Variants in KLF13 observed in about 807,000 individuals in gnomAD.
The protein encoded by KLF13 is KLF transcription factor 13.
In KLF13, 8 loss-of-function variants were observed where a neutral mutation model predicts 16.7. The observed-to-expected ratio is 0.48, with a 90% CI of 0.28 to 0.87. The LOEUF is 0.87. Ranked by LOEUF, KLF13 falls within the 40% of genes least tolerant of loss-of-function variation. The pLI is 0.10. For missense variants in KLF13, 447 were observed against 452.2 expected (o/e 0.99, Z 0.10); for synonymous variants, 245 against 208.4 (o/e 1.18, Z -1.51).
downstream of KLF13, among the ~76,000 whole-genome samples, chr15:31,407,429 G>A (rs141111934): frequency 1.3e-3 from 194 of 152,358 alleles, 1 homozygote; most frequent in Non-Finnish European, 1.9e-3. Flanking sequence ...AAGCTCAGCA[G>A]CAGGATGTGC....
At chr15:31,330,688 C>T (rs1002572429) in intron 1 of KLF13, among the ~76,000 whole-genome samples, 3 of 152,242 alleles carry the variant, frequency 2.0e-5, no homozygotes, top group Non-Finnish European at 2.9e-5. Context: ...AGTGTGGTTT[C>T]CCACTCCCAC....
chr15:31,403,187 G>A lies in KLF13; in HGVS notation n.530-241G>A, dbSNP rs923858784. 3.9e-5 allele frequency among the ~76,000 whole-genome samples: 6 copies of A among 152,194 alleles called. No homozygotes were observed. In the South Asian group the frequency reaches 1.2e-3, roughly 31 times the overall value. On this transcript the variant is annotated intron_variant and non_coding_transcript_variant, in intron 2 of 2. Transcript: ENST00000500533. ...TCATTCTTTTAGTGTCTTTTCTGCT[G>A]TGAAGCAGTTTTGGGGCAAGATCTT...
At chr15:31,419,324 G>T (rs2040293775) in intron 1 of KLF13, among the ~76,000 whole-genome samples, 1 of 152,042 alleles carries the variant, frequency 6.6e-6, no homozygotes, top group Non-Finnish European at 1.5e-5. Context: ...CTTAAACAAA[G>T]AGATCAATTA....
chr15:31,403,777 T>C (rs2040074488), exon 3 of KLF13: 1 of 152,198 alleles, frequency 6.6e-6, no homozygotes, highest in African/African-American at 2.4e-5. Context: ...CACTATTATG[T>C]TAGGATTTTT....
chr15:31,420,072 C>T (rs2040303383), intron 1 of KLF13: 1 of 350,128 alleles, frequency 2.9e-6, no homozygotes, highest in Non-Finnish European at 5.5e-6. Flanking sequence ...TTTTGTCAAC[C>T]AAGAATATTA....
chr15:31,390,210 G>T (rs932899053), upstream of KLF13, among the ~76,000 whole-genome samples: 1 of 152,012 alleles, frequency 6.6e-6, no homozygotes, highest in African/African-American at 2.4e-5. Flanking sequence ...GCACAGCCCC[G>T]GACTCCCTTT....
At chr15:31,416,622 A>C (rs2040259871) in intron 1 of KLF13, among the ~76,000 whole-genome samples, 1 of 152,226 alleles carries the variant, frequency 6.6e-6, no homozygotes, top group Non-Finnish European at 1.5e-5. Context: ...AAAAACAAGG[A>C]AACTTCTTTA....
intron 1 of KLF13, among the ~76,000 whole-genome samples, chr15:31,335,453 G>A (rs1236985047): frequency 1.1e-5 from 1 of 92,598 alleles, no homozygotes; most frequent in African/African-American, 4.1e-5. Context: ...GTGTGTGTGT[G>A]TGTGTGTGTG....
At chr15:31,364,567 T>C (rs923878946) in intron 1 of KLF13, among the ~76,000 whole-genome samples, 1 of 152,254 alleles carries the variant, frequency 6.6e-6, no homozygotes, top group African/African-American at 2.4e-5. Flanking sequence ...GCAGCAGGCA[T>C]GTGCCCCACG....
chr15:31,370,262 A>G (rs2039537793), intron 1 of KLF13, among the ~76,000 whole-genome samples: 1 of 151,942 alleles, frequency 6.6e-6, no homozygotes, highest in Admixed American at 6.6e-5. Context: ...CCCCTGCTTC[A>G]GCAGTACCAG....
chr15:31,430,330 G>C (rs1477033426), intron 1 of KLF13, among the ~76,000 whole-genome samples: 1 of 152,142 alleles, frequency 6.6e-6, no homozygotes, highest in Admixed American at 6.5e-5. Flanking sequence ...GAAAAAATGG[G>C]TGTCTTAGTC....
intron 2 of KLF13, among the ~76,000 whole-genome samples, chr15:31,394,285 G>A (rs983615900): frequency 3.3e-5 from 5 of 151,944 alleles, no homozygotes; most frequent in Non-Finnish European, 5.9e-5. Flanking sequence ...GACCATCCTG[G>A]CTAACACGGT....
chr15:31,384,613 G>C (rs961751525), intron 1 of KLF13, among the ~76,000 whole-genome samples: 2 of 152,140 alleles, frequency 1.3e-5, no homozygotes, highest in African/African-American at 4.8e-5. Context: ...GCTTGCCAAA[G>C]GTAAGCTGGC....
intron 1 of KLF13, among the ~76,000 whole-genome samples, chr15:31,415,607 G>A (rs867321785): frequency 4.6e-5 from 7 of 152,088 alleles, no homozygotes; most frequent in Non-Finnish European, 8.8e-5. Flanking sequence ...ACGAAGATAC[G>A]ACATCCCCAA....
chr15:31,327,497 C>A lies in KLF13; in HGVS notation c.285C>A (p.Pro95=). 1 of 1,154,172 alleles carries A rather than the reference C, an allele frequency of 8.7e-7. No individual in the cohort carries two copies. The highest frequency in any genetic ancestry group is 1.6e-5 in the African/African-American group (1 of 61,050). 71.5% of individuals were successfully genotyped at this position (1,154,172 alleles called of 1,614,324 possible). A position where few individuals can be genotyped will look rare whatever the true frequency, so the allele number is the denominator to read the frequency against. ...CCGCGGCCCGGAAGGCGAGGACCCC[C>A]TGCCGCCTGCCGCCGCCCGCCCCCG... is the stretch of plus-strand genomic sequence containing the variant. The part of the protein sequence containing the change: ...EGAAARKART[P]CRLPPPAPEP... Residue 95 remains proline, a synonymous_variant, in exon 1 of 2, where the codon CCC becomes CCA. Coordinates refer to ENST00000307145, the MANE Select transcript of KLF13 (RefSeq NM_015995.4).
intron 1 of KLF13, among the ~76,000 whole-genome samples, chr15:31,339,169 C>T (rs903634796): frequency 1.3e-5 from 2 of 152,128 alleles, no homozygotes; most frequent in African/African-American, 4.8e-5. Flanking sequence ...GCCTTGGCAA[C>T]TGGGCTGTGC....
chr15:31,415,835 T>C (rs997096816), intron 1 of KLF13, among the ~76,000 whole-genome samples: 2 of 151,640 alleles, frequency 1.3e-5, no homozygotes, highest in Non-Finnish European at 2.9e-5. Context: ...ATAAAAATAA[T>C]AGAAAAAATT....
intron 2 of KLF13, among the ~76,000 whole-genome samples, chr15:31,394,160 C>CA (rs935810018): frequency 6.6e-6 from 1 of 152,128 alleles, no homozygotes; most frequent in Non-Finnish European, 1.5e-5. Context: ...ACATGGAAGA[C>CA]AATCCTACCT....
intron 2 of KLF13, among the ~76,000 whole-genome samples, chr15:31,402,193 G>T (rs1440505371): frequency 6.6e-6 from 1 of 152,238 alleles, no homozygotes; most frequent in African/African-American, 2.4e-5. Flanking sequence ...CACAGATGCG[G>T]GTTCAGCTCC....
Sources: gnomAD v4.1 joint callset for allele counts (sites outside exome capture counted in the v4.1 genomes callset) on GRCh38, gnomAD v4.1.1 for gene constraint, MANE v1.5 for transcripts, NCBI Gene and HGNC (gene_info 2026-07-23, HGNC 2026-07-21) for gene names.